Variants in TG observed in about 807,000 individuals in gnomAD.
The protein encoded by TG is thyroglobulin.
TG carries 270 observed loss-of-function variants against 324.7 expected under a neutral mutation model. The ratio of observed to expected loss-of-function variants is 0.83; its 90% CI spans 0.75 to 0.92. TG has a LOEUF of 0.92. Among genes scored for constraint, TG ranks in the 40% least tolerant of loss-of-function variants. TG has a pLI of 0.00. For missense variants in TG, 3,591 were observed against 3,456.4 expected (o/e 1.04, Z -0.98); for synonymous variants, 1,401 against 1,327.0 (o/e 1.06, Z -1.21).
chr8:132,969,613 A>C (rs748748393), intron 32 of TG, 44 bp downstream of exon 32: 15 of 1,332,790 alleles, frequency 1.1e-5, no homozygotes, highest in Admixed American at 1.7e-5. Flanking sequence ...TATGAATAAT[A>C]CTTCCTCAAA....
chr8:133,049,847 G>A (rs966488366), intron 41 of TG: 2 of 1,127,896 alleles, frequency 1.8e-6, no homozygotes, highest in Non-Finnish European at 2.7e-6. Flanking sequence ...TCCACCTTAT[G>A]AGTCACCAGC....
chr8:133,015,317 T>A (rs1834923489), intron 37 of TG, among the ~76,000 whole-genome samples: 1 of 152,246 alleles, frequency 6.6e-6, no homozygotes. Flanking sequence ...AAAAGATGTG[T>A]GCACATATGC....
rs114157534 is a variant in TG at position 132,911,431 on chromosome 8, C to A, written c.4057C>A (p.Gln1353Lys). ...TCCTGTCTGCAACAACTCCTCTGTG[C>A]AGGTGGGTTGTCTGACCAGGGAGCG... ...SIPVCNNSSV[Q>K]VGCLTRERLG... Residue 1353 changes from glutamine (Q) to lysine (K), a missense_variant, in exon 19 of 48, where the codon CAG (glutamine) becomes AAG (lysine). By Grantham distance (53) the Gln-to-Lys change is moderately conservative (BLOSUM62 1). Transcript: ENST00000220616. The A allele has an allele frequency of 6.2e-6, 10 of 1,614,180 alleles. No homozygotes were observed. In the South Asian group the frequency reaches 7.7e-5, roughly 12 times the overall value.
chr8:132,957,335 C>T (rs949118172), intron 27 of TG, among the ~76,000 whole-genome samples: 2 of 152,050 alleles, frequency 1.3e-5, no homozygotes, highest in African/African-American at 4.8e-5. Context: ...GCATATTTCC[C>T]AGGCTGGCAG....
At chr8:132,939,030 C>A (rs1824024449) in intron 25 of TG, among the ~76,000 whole-genome samples, 1 of 123,572 alleles carries the variant, frequency 8.1e-6, no homozygotes, top group African/African-American at 3.1e-5. Flanking sequence ...CCAGCCTGGG[C>A]AACAGCAGGA....
chr8:133,061,120 C>T (rs1284276020), intron 41 of TG, among the ~76,000 whole-genome samples: 2 of 152,210 alleles, frequency 1.3e-5, no homozygotes, highest in African/African-American at 4.8e-5. Context: ...AAGCGATTCT[C>T]CTGCCTCAGC....
intron 8 of TG, chr8:132,883,285 A>C (rs1197816270): frequency 1.6e-5 from 7 of 433,394 alleles, no homozygotes; most frequent in African/African-American, 1.4e-4. Flanking sequence ...GTGAGACAGG[A>C]GCATGCACAT....
chr8:133,095,144 G>T lies in TG; in HGVS notation c.7340G>T (p.Ser2447Ile), dbSNP rs762509078. 1.2e-6 allele frequency: 2 copies of T among 1,614,134 alleles called. No homozygotes were observed. The highest frequency in any genetic ancestry group is 2.7e-5 in the African/African-American group (2 of 74,934). ...AKEVSCPMSS[S>I]QEVVSCLRQK... ...GAGGTCAGTTGCCCCATGTCATCCA[G>T]CCAAGAAGTGGTGTCCTGCCTCCGC... is the stretch of plus-strand genomic sequence containing the variant. The change falls in exon 42 of 48, where the codon AGC becomes ATC. Residue 2447 changes from serine to isoleucine, a missense_variant. Physicochemically the swap from Ser to Ile is moderately radical, Grantham distance 142 (BLOSUM62 -2). Transcript: ENST00000220616.
At chr8:133,016,738 T>A (rs956385555) in intron 37 of TG, among the ~76,000 whole-genome samples, 2 of 152,098 alleles carry the variant, frequency 1.3e-5, no homozygotes, top group African/African-American at 4.8e-5. Context: ...GGGCTTTGAG[T>A]CCTGTGTGGC....
chr8:133,124,812 A>G (rs1350314251), intron 45 of TG, among the ~76,000 whole-genome samples: 2 of 152,238 alleles, frequency 1.3e-5, no homozygotes, highest in East Asian at 3.8e-4. Flanking sequence ...GGCATTTTGT[A>G]CACCACTACA....
At chr8:133,070,863 T>C (rs1456701959) in intron 41 of TG, among the ~76,000 whole-genome samples, 2 of 152,246 alleles carry the variant, frequency 1.3e-5, no homozygotes, top group East Asian at 3.8e-4. Context: ...CTCTGGACAG[T>C]AGTTGTCAAC....
chr8:132,876,490 C>T (rs1813818199), intron 5 of TG, among the ~76,000 whole-genome samples: 1 of 152,088 alleles, frequency 6.6e-6, no homozygotes, highest in Non-Finnish European at 1.5e-5. Flanking sequence ...CTGGGGCCAC[C>T]AGAAGGCTGG....
chr8:132,937,537 T>C (rs1419222804), intron 25 of TG, among the ~76,000 whole-genome samples: 1 of 152,100 alleles, frequency 6.6e-6, no homozygotes, highest in East Asian at 1.9e-4. Context: ...GTCACTCGGA[T>C]CTCTCTAATC....
Position 133,095,196 on chromosome 8 carries a change from T to G in TG, c.7392T>G (p.Asp2464Glu). The G allele has an allele frequency of 6.2e-7, 1 of 1,614,222 alleles. No individual in the cohort carries two copies. Among genetic ancestry groups the G allele is most frequent in the Non-Finnish European group, 8.5e-7 (1 of 1,180,030 alleles). ...AGAAGCCTGCCAATGTCCTCAATGATGCCCAGACCAAGGTGAGCACTTAAG... is the reference window on the plus strand; with the variant it reads ...AGAAGCCTGCCAATGTCCTCAATGAGGCCCAGACCAAGGTGAGCACTTAAG... ...LRQKPANVLN[D>E]AQTKLLAVSG... The change falls in exon 42 of 48, where the codon GAT becomes GAG. Residue 2464 changes from aspartate to glutamate, a missense_variant. By Grantham distance (45) the Asp-to-Glu change is conservative. Transcript: ENST00000220616.
chr8:133,102,090 G>A (rs191625626), intron 43 of TG, among the ~76,000 whole-genome samples: 2 of 152,262 alleles, frequency 1.3e-5, no homozygotes, highest in African/African-American at 2.4e-5. Flanking sequence ...ATAAATGTTC[G>A]TTCTTTTCCC....
chr8:133,080,883 A>G (rs958721884), intron 41 of TG, among the ~76,000 whole-genome samples: 4 of 152,222 alleles, frequency 2.6e-5, no homozygotes, highest in African/African-American at 9.6e-5. Context: ...GAAGATGTCC[A>G]TGCATCTTCC....
At chr8:133,106,056 C>T (rs1849773987) in intron 43 of TG, among the ~76,000 whole-genome samples, 1 of 151,920 alleles carries the variant, frequency 6.6e-6, no homozygotes, top group Non-Finnish European at 1.5e-5. Context: ...TGGGGACTGC[C>T]AGGCAGGCAC....
chr8:132,946,065 CA>C (rs34047303), intron 26 of TG, among the ~76,000 whole-genome samples: 44,623 of 137,184 alleles, frequency 0.33, 7,983 homozygotes, highest in Middle Eastern at 0.46. Flanking sequence ...CACACACACA[CA>C]CACACACCCT....
intron 45 of TG, among the ~76,000 whole-genome samples, chr8:133,118,534 A>G (rs1255524304): frequency 1.3e-5 from 2 of 152,166 alleles, no homozygotes; most frequent in African/African-American, 4.8e-5. Context: ...CATGTTGGCC[A>G]GGCTGGTCTC....
Sources: gnomAD v4.1 joint callset for allele counts (sites outside exome capture counted in the v4.1 genomes callset) on GRCh38, gnomAD v4.1.1 for gene constraint, MANE v1.5 for transcripts, NCBI Gene and HGNC (gene_info 2026-07-23, HGNC 2026-07-21) for gene names.